Variants in TSPAN5 observed in about 807,000 individuals in gnomAD.
TSPAN5 encodes tetraspanin 5.
TSPAN5 carries 10 observed loss-of-function variants against 37.1 expected under a neutral mutation model. The ratio of observed to expected loss-of-function variants is 0.27; its 90% CI spans 0.17 to 0.46. The LOEUF (loss-of-function observed/expected upper bound fraction) is 0.46. Among genes scored for constraint, TSPAN5 ranks in the 20% least tolerant of loss-of-function variants. The pLI is 1.00. For synonymous variants in TSPAN5, 110 were observed against 118.9 expected (o/e 0.93, Z 0.48); for missense variants, 195 against 326.6 (o/e 0.60, Z 3.11).
chr4:98,588,007 C>T (rs1755535643), intron 1 of TSPAN5, among the ~76,000 whole-genome samples: 1 of 152,194 alleles, frequency 6.6e-6, no homozygotes, highest in African/African-American at 2.4e-5. Context: ...GTGTTCACTA[C>T]ACTTCTTGCC....
At chr4:98,479,430 G>A (rs375291257) in intron 4 of TSPAN5, among the ~76,000 whole-genome samples, 4 of 152,184 alleles carry the variant, frequency 2.6e-5, no homozygotes, top group African/African-American at 4.8e-5. Context: ...CCAACAGTGC[G>A]TGATGTGCTT....
At chr4:98,583,991 C>T (rs1755428218) in intron 1 of TSPAN5, among the ~76,000 whole-genome samples, 1 of 152,216 alleles carries the variant, frequency 6.6e-6, no homozygotes, top group Non-Finnish European at 1.5e-5. Flanking sequence ...CTCCCACTCC[C>T]ACCTTCCAGT....
intron 1 of TSPAN5, among the ~76,000 whole-genome samples, chr4:98,646,276 C>A (rs1215122848): frequency 6.6e-6 from 1 of 152,144 alleles, no homozygotes; most frequent in Non-Finnish European, 1.5e-5. Flanking sequence ...TTATCAGGAT[C>A]ACTGACTCAA....
intron 1 of TSPAN5, among the ~76,000 whole-genome samples, chr4:98,531,055 CTTCTCTA>C (rs1158613619): frequency 3.3e-5 from 5 of 152,088 alleles, no homozygotes; most frequent in Non-Finnish European, 7.4e-5. Flanking sequence ...TACAGGCACA[CTTCTCTA>C]TTTTTATTTA....
intron 1 of TSPAN5, among the ~76,000 whole-genome samples, chr4:98,558,782 G>A (rs1754811345): frequency 6.6e-6 from 1 of 152,188 alleles, no homozygotes; most frequent in South Asian, 2.1e-4. Flanking sequence ...ATGTGGGCAA[G>A]CTGACCTACT....
intron 1 of TSPAN5, among the ~76,000 whole-genome samples, chr4:98,592,515 C>T (rs1337205170): frequency 6.9e-6 from 1 of 145,316 alleles, no homozygotes; most frequent in Admixed American, 7.0e-5. Context: ...ATACATGTGC[C>T]ATGCTGGTGC....
chr4:98,592,267 A>G (rs1755653895), intron 1 of TSPAN5, among the ~76,000 whole-genome samples: 2 of 149,400 alleles, frequency 1.3e-5, no homozygotes, highest in Admixed American at 1.3e-4. Context: ...GCTGTGCTCT[A>G]GGCCCCAAAA....
At chr4:98,586,315 A>G (rs1406771635) in intron 1 of TSPAN5, among the ~76,000 whole-genome samples, 2 of 152,138 alleles carry the variant, frequency 1.3e-5, no homozygotes, top group South Asian at 2.1e-4. Context: ...TCCTTTTTCT[A>G]CTAACGACTG....
intron 1 of TSPAN5, among the ~76,000 whole-genome samples, chr4:98,617,264 T>A (rs1416944980): frequency 1.3e-5 from 2 of 152,096 alleles, no homozygotes; most frequent in African/African-American, 4.8e-5. Context: ...AGAGATCATC[T>A]CACATCTATG....
At chr4:98,563,676 A>G (rs1239090953) in intron 1 of TSPAN5, among the ~76,000 whole-genome samples, 1 of 152,236 alleles carries the variant, frequency 6.6e-6, no homozygotes, top group Admixed American at 6.5e-5. Context: ...CTTTTCCAAA[A>G]CTAGAAATAA....
At chr4:98,542,677 C>T (rs1486510811) in intron 1 of TSPAN5, among the ~76,000 whole-genome samples, 1 of 145,506 alleles carries the variant, frequency 6.9e-6, no homozygotes, top group Non-Finnish European at 1.5e-5. Context: ...TATGATCGTG[C>T]CACTGCACTT....
At chr4:98,616,366 T>C (rs1756337400) in intron 1 of TSPAN5, among the ~76,000 whole-genome samples, 1 of 152,130 alleles carries the variant, frequency 6.6e-6, no homozygotes, top group Non-Finnish European at 1.5e-5. Flanking sequence ...AACCCACGGC[T>C]CCTGGAGTTT....
chr4:98,647,280 G>T (rs573775171), intron 1 of TSPAN5, among the ~76,000 whole-genome samples: 1 of 152,266 alleles, frequency 6.6e-6, no homozygotes, highest in African/African-American at 2.4e-5. Context: ...GGCATTAAAT[G>T]CATCATCCAT....
chr4:98,481,868 T>G, intron 4 of TSPAN5, 137 bp downstream of exon 4: 1 of 813,630 alleles, frequency 1.2e-6, no homozygotes, highest in Non-Finnish European at 2.0e-6. Context: ...CGGAAAATAA[T>G]AAACAAACAA....
At chr4:98,626,886 GTTTTTTTT>G (rs34770397) in intron 1 of TSPAN5, among the ~76,000 whole-genome samples, 2 of 83,482 alleles carry the variant, frequency 2.4e-5, no homozygotes, top group East Asian at 3.3e-4. Context: ...ATGAGAGCAG[GTTTTTTTT>G]TTTTTTTTTT....
At chr4:98,487,246 A>G (rs1234185883) in intron 2 of TSPAN5, among the ~76,000 whole-genome samples, 1 of 150,636 alleles carries the variant, frequency 6.6e-6, no homozygotes, top group Non-Finnish European at 1.5e-5. Context: ...GAGAAAAAAA[A>G]AAAAAAAAGA....
chr4:98,629,673 A>G (rs1756698476), intron 1 of TSPAN5, among the ~76,000 whole-genome samples: 1 of 152,222 alleles, frequency 6.6e-6, no homozygotes, highest in Non-Finnish European at 1.5e-5. Flanking sequence ...AATAGAAAAG[A>G]ATTAGCTCAA....
At chr4:98,526,641 A>G (rs1460347056) in intron 1 of TSPAN5, among the ~76,000 whole-genome samples, 1 of 152,036 alleles carries the variant, frequency 6.6e-6, no homozygotes, top group African/African-American at 2.4e-5. Flanking sequence ...CTGAGAAAAA[A>G]TAAGTTCAGA....
At chr4:98,542,654 G>A (rs1352687560) in intron 1 of TSPAN5, among the ~76,000 whole-genome samples, 1 of 145,960 alleles carries the variant, frequency 6.9e-6, no homozygotes, top group Non-Finnish European at 1.5e-5. Context: ...AGGAGCTCAA[G>A]GTTACAATTA....
Sources: allele counts gnomAD v4.1 joint callset (sites outside exome capture counted in the v4.1 genomes callset), GRCh38; gene constraint gnomAD v4.1.1; transcripts MANE v1.5; gene names NCBI Gene and HGNC (gene_info 2026-07-23, HGNC 2026-07-21).